PSMD1: variants seen among roughly 807,000 people sequenced by gnomAD.
The protein encoded by PSMD1 is 26S proteasome non-ATPase regulatory subunit 1.
PSMD1 carries 18 observed loss-of-function variants against 119.0 expected under a neutral mutation model. The observed-to-expected ratio is 0.15, with a 90% CI of 0.10 to 0.22. The LOEUF (loss-of-function observed/expected upper bound fraction) is 0.22, where lower values mean the gene tolerates loss of function less well. Among genes scored for constraint, PSMD1 ranks in the 10% least tolerant of loss-of-function variants. PSMD1 has a pLI of 1.00. For missense variants in PSMD1, 702 were observed against 1,158.5 expected, an observed-to-expected ratio of 0.61 and a Z score of 5.72; for synonymous variants, 374 against 396.6, an observed-to-expected ratio of 0.94 and a Z score of 0.68.
chr2:231,065,363 G>A (rs931396423), intron 4 of PSMD1, among the ~76,000 whole-genome samples: 15 of 151,510 alleles, frequency 9.9e-5, no homozygotes, highest in Admixed American at 5.3e-4. Context: ...CGCGATCTCG[G>A]CTCACTGGAA....
chr2:231,071,472 T>A lies in PSMD1; in HGVS notation c.655-717T>A, dbSNP rs555758392. ...ATACAGTCTTTAACATTTTTCCATG[T>A]TCTAATTCTTCATAGAGTCCTCTTA... On this transcript the variant is annotated intron_variant, in intron 6 of 24. Transcript: ENST00000308696. Among the ~76,000 whole-genome samples, 5 of 152,216 alleles carry A rather than the reference T, an allele frequency of 3.3e-5. No homozygotes were observed. The East Asian group carries it at 9.6e-4, about 29-fold the overall frequency.
In PSMD1 at chr2:231,163,715, AGAAAAG is replaced by A. The variant is rs1417350480; in HGVS notation, c.2477_2481+1del. The A allele has an allele frequency of 6.2e-7, 1 of 1,606,662 alleles. No individual in the cohort carries two copies. Among genetic ancestry groups the A allele is most frequent in the Non-Finnish European group, 8.5e-7 (1 of 1,173,538 alleles). ...CCCCTCTGGAAGTACCAAAAGAAAA[AGAAAAG>A]GAAAAGGTAGGTTCTTTGTTCCTTT... is the stretch of plus-strand genomic sequence containing the variant. On this transcript the variant is annotated inframe_deletion, in exon 21 of 25. Coordinates refer to ENST00000308696, the MANE Select transcript of PSMD1 (RefSeq NM_002807.4).
chr2:231,172,576 T>C lies in PSMD1; in HGVS notation c.*51T>C, dbSNP rs1696935962. ...CTGAAGAAGATTGTCCAGGCTCATATTGGGAATGCTTATGAGGAAATTCAT... is the reference window on the plus strand; with the variant it reads ...CTGAAGAAGATTGTCCAGGCTCATACTGGGAATGCTTATGAGGAAATTCAT... On this transcript the variant is annotated 3_prime_UTR_variant, in exon 25 of 25. Transcript: ENST00000308696. The C allele has an allele frequency of 1.3e-5, 2 of 152,254 alleles. No homozygotes were observed. The highest frequency in any genetic ancestry group is 6.5e-5 in the Admixed American group (1 of 15,284). The allele number at this position is 152,254 out of a possible 1,614,324, so 9.4% of individuals were successfully genotyped here.
At chr2:231,094,002 A>T (rs897424102) in intron 16 of PSMD1, among the ~76,000 whole-genome samples, 6 of 152,210 alleles carry the variant, frequency 3.9e-5, no homozygotes, top group African/African-American at 1.2e-4. Flanking sequence ...CAGGAAAAGT[A>T]TGTGCACTAA....
intron 16 of PSMD1, among the ~76,000 whole-genome samples, chr2:231,098,535 G>C: frequency 1.4e-5 from 2 of 141,914 alleles, no homozygotes; most frequent in Non-Finnish European, 1.5e-5. Context: ...TTCTCTCTCT[G>C]CCTCTCTTTC....
chr2:231,126,315 G>C (rs1227452369), intron 16 of PSMD1, among the ~76,000 whole-genome samples: 1 of 152,062 alleles, frequency 6.6e-6, no homozygotes, highest in Non-Finnish European at 1.5e-5. Context: ...GAGGGGTTGA[G>C]GGTTAGGGGT....
At chr2:231,063,428 A>C (rs1693808319) in intron 4 of PSMD1, among the ~76,000 whole-genome samples, 1 of 152,226 alleles carries the variant, frequency 6.6e-6, no homozygotes, top group Non-Finnish European at 1.5e-5. Flanking sequence ...TAGTACAGAG[A>C]GCTCAAGGGC....
chr2:231,082,950 A>G lies in PSMD1; in HGVS notation c.1481A>G (p.Tyr494Cys). 2 of 1,614,096 alleles carry G rather than the reference A, an allele frequency of 1.2e-6. No individual in the cohort carries two copies. Among genetic ancestry groups the G allele is most frequent in the Non-Finnish European group, 1.7e-6 (2 of 1,179,936 alleles). The change falls in exon 13 of 25, where the codon TAT (tyrosine) becomes TGT (cysteine). Residue 494 changes from tyrosine to cysteine, a missense_variant. Physicochemically the swap from Tyr to Cys is radical, Grantham distance 194. Coordinates refer to ENST00000308696, the MANE Select transcript of PSMD1 (RefSeq NM_002807.4). ...ATGGGAACTGCACGTCAAGATGTTT[A>G]TGATTTGCTAAAAACAAACCTTTAT... ...AAMGTARQDV[Y>C]DLLKTNLYQD...
At chr2:231,141,305 GA>G (rs113261309) in intron 17 of PSMD1, among the ~76,000 whole-genome samples, 2,848 of 78,184 alleles carry the variant, frequency 0.036, 68 homozygotes, top group African/African-American at 0.073. Flanking sequence ...TGTCTCAAAA[GA>G]AAAAAAAAAA....
intron 16 of PSMD1, chr2:231,113,725 ATACC>A: frequency 6.2e-7 from 1 of 1,612,152 alleles, no homozygotes. Flanking sequence ...CATTCTCTAC[ATACC>A]TATTGAAATT....
chr2:231,126,316 G>A (rs543242216), intron 16 of PSMD1, among the ~76,000 whole-genome samples: 25 of 152,056 alleles, frequency 1.6e-4, no homozygotes, highest in Non-Finnish European at 7.4e-5. Context: ...AGGGGTTGAG[G>A]GTTAGGGGTC....
At chr2:231,109,240 G>T in intron 16 of PSMD1, 1 of 1,614,178 alleles carries the variant, frequency 6.2e-7, no homozygotes, top group Admixed American at 1.7e-5. Context: ...GTAAAGCATG[G>T]ATAGTGAGAA....
At chr2:231,119,360 A>G (rs984926550) in intron 16 of PSMD1, among the ~76,000 whole-genome samples, 6 of 152,284 alleles carry the variant, frequency 3.9e-5, no homozygotes, top group Non-Finnish European at 8.8e-5. Context: ...TAGTGCTTAT[A>G]AGATGCTGGG....
intron 16 of PSMD1, among the ~76,000 whole-genome samples, chr2:231,118,497 A>T (rs1034481311): frequency 2.6e-5 from 4 of 152,170 alleles, no homozygotes; most frequent in Admixed American, 1.3e-4. Context: ...ACTAACGTTG[A>T]ATTTTAACTG....
Position 231,153,756 on chromosome 2 carries a change from T to C in PSMD1, c.2218+90T>C, listed in dbSNP as rs913122619. ...TCTAACTATATGACATAATGGAAAT[T>C]GAGTCTGAGGCAAATTATTCCTGGA... On this transcript the variant is annotated intron_variant, in intron 19 of 24. Transcript: ENST00000308696. 15 of 932,148 alleles carry C rather than the reference T, an allele frequency of 1.6e-5. No individual in the cohort carries two copies. In the Middle Eastern group the frequency reaches 1.0e-3, roughly 65 times the overall value. The allele number at this position is 932,148 out of a possible 1,614,324, so 57.7% of individuals were successfully genotyped here. A position where few individuals can be genotyped will look rare whatever the true frequency, so the allele number is the denominator to read the frequency against.
chr2:231,147,148 C>T (rs1364206436), intron 18 of PSMD1, among the ~76,000 whole-genome samples: 1 of 152,142 alleles, frequency 6.6e-6, no homozygotes, highest in East Asian at 1.9e-4. Flanking sequence ...CTCCACAATC[C>T]ACACCCACCT....
chr2:231,093,882 A>C (rs978560959), intron 16 of PSMD1, among the ~76,000 whole-genome samples: 1 of 152,074 alleles, frequency 6.6e-6, no homozygotes, highest in African/African-American at 2.4e-5. Flanking sequence ...AAAATTGTTG[A>C]AATTGTGAGC....
chr2:231,097,957 C>G (rs112055098), intron 16 of PSMD1, among the ~76,000 whole-genome samples: 81 of 152,274 alleles, frequency 5.3e-4, no homozygotes, highest in African/African-American at 1.8e-3. Context: ...TGATTGATAA[C>G]CTGTTGAAAA....
At chr2:231,065,557 C>T (rs1182217020) in intron 4 of PSMD1, among the ~76,000 whole-genome samples, 1 of 152,096 alleles carries the variant, frequency 6.6e-6, no homozygotes, top group Non-Finnish European at 1.5e-5. Flanking sequence ...CCTCGGCCTC[C>T]CAAAGTGCTG....
Sources: gnomAD v4.1 joint callset for allele counts (sites outside exome capture counted in the v4.1 genomes callset) on GRCh38, gnomAD v4.1.1 for gene constraint, MANE v1.5 for transcripts, NCBI Gene and HGNC (gene_info 2026-07-23, HGNC 2026-07-21) for gene names.